BPI: variants seen among roughly 807,000 people sequenced by gnomAD.
BPI encodes the protein bactericidal permeability increasing protein.
BPI carries 48 observed loss-of-function variants against 57.6 expected under a neutral mutation model. The ratio of observed to expected loss-of-function variants is 0.83; its 90% CI spans 0.66 to 1.06. BPI has a LOEUF of 1.06. Among genes scored for constraint, BPI ranks in the 50% least tolerant of loss-of-function variants. The pLI is 0.00. For synonymous variants in BPI, 237 were observed against 238.2 expected, an observed-to-expected ratio of 0.99 and a Z score of 0.05; for missense variants, 651 against 609.7, an observed-to-expected ratio of 1.07 and a Z score of -0.71.
At chr20:38,331,865 G>A (rs915444576) in intron 12 of BPI, among the ~76,000 whole-genome samples, 4 of 150,934 alleles carry the variant, frequency 2.7e-5, no homozygotes, top group Admixed American at 2.0e-4. Context: ...AAAAAAGAGA[G>A]AGAAGATCGT....
chr20:38,334,379 C>A, intron 12 of BPI, 51 bp from the exon 13 acceptor site: 3 of 1,553,702 alleles, frequency 1.9e-6, no homozygotes, highest in Non-Finnish European at 2.7e-6. Context: ...GCTGGACCCG[C>A]AAGGTTCTGG....
intron 12 of BPI, 24 bp from the exon 13 acceptor site, chr20:38,334,406 T>C (rs1393638217): frequency 1.2e-6 from 2 of 1,609,234 alleles, no homozygotes; most frequent in African/African-American, 1.3e-5. Context: ...AGGGCCATCC[T>C]CCCATCCTCC....
intron 12 of BPI, among the ~76,000 whole-genome samples, chr20:38,331,854 AAAAAAAGAG>A (rs201229914): frequency 0.053 from 8,096 of 151,754 alleles, 286 homozygotes; most frequent in South Asian, 0.12. Flanking sequence ...AAAAAAAAAA[AAAAAAAGAG>A]AGAGAAGATC....
At chr20:38,321,504 A>C (rs1042467333) in intron 7 of BPI, 2 of 151,922 alleles carry the variant, frequency 1.3e-5, no homozygotes, top group African/African-American at 4.8e-5. Context: ...TACCATGTGG[A>C]TCTCCACTCA....
In BPI at chr20:38,335,625, C is replaced by T. The variant is rs368496977; in HGVS notation, c.1364C>T (p.Pro455Leu). ...AAACTACAGAAAGGCTTCCCTCTCC[C>T]GACGCCGGCCAGAGTCCAGCTCTAC... ...NEKLQKGFPL[P>L]TPARVQLYNV... The change falls in exon 14 of 15, where the codon CCG becomes CTG. Residue 455 changes from proline to leucine, a missense_variant. Transcript: ENST00000642449. The T allele has an allele frequency of 7.4e-6, 12 of 1,614,038 alleles. No homozygotes were observed. The highest frequency in any genetic ancestry group is 6.7e-5 in the African/African-American group (5 of 74,924).
intron 8 of BPI, 117 bp from the exon 9 acceptor site, chr20:38,324,657 T>C (rs1382918934): frequency 1.1e-5 from 9 of 832,782 alleles, no homozygotes; most frequent in Admixed American, 5.6e-5. Flanking sequence ...TGTTGTCACA[T>C]AGGGGCTGGC....
intron 3 of BPI, 83 bp downstream of exon 3, chr20:38,309,141 C>G: frequency 6.3e-7 from 1 of 1,590,748 alleles, no homozygotes; most frequent in Non-Finnish European, 8.6e-7. Context: ...TCTGGAATGC[C>G]CAATTTTTGC....
intron 11 of BPI, among the ~76,000 whole-genome samples, chr20:38,328,723 C>A (rs1456437345): frequency 1.3e-5 from 2 of 151,878 alleles, no homozygotes; most frequent in African/African-American, 4.8e-5. Flanking sequence ...CAGGGCCAGG[C>A]ATGGTGGCTC....
At chr20:38,336,293 G>A (rs746017534) in intron 14 of BPI, among the ~76,000 whole-genome samples, 4 of 151,834 alleles carry the variant, frequency 2.6e-5, no homozygotes, top group Non-Finnish European at 4.4e-5. Flanking sequence ...CTCTTCCCCC[G>A]CCATTGGCAA....
chr20:38,306,550 T>C (rs2076597617), intron 1 of BPI, among the ~76,000 whole-genome samples: 1 of 152,122 alleles, frequency 6.6e-6, no homozygotes, highest in Non-Finnish European at 1.5e-5. Flanking sequence ...ACACAGGGCG[T>C]TGCTCTGATC....
intron 3 of BPI, among the ~76,000 whole-genome samples, chr20:38,309,703 A>C (rs1293568400): frequency 6.6e-6 from 1 of 152,232 alleles, no homozygotes; most frequent in Non-Finnish European, 1.5e-5. Flanking sequence ...AATGCAGGGC[A>C]GGGTGAAAAA....
At chr20:38,335,943 G>A (rs2076765562) in intron 14 of BPI, among the ~76,000 whole-genome samples, 2 of 152,294 alleles carry the variant, frequency 1.3e-5, no homozygotes, top group South Asian at 2.1e-4. Flanking sequence ...AAAATGAAAT[G>A]CATTTGTGGG....
chr20:38,318,781 G>C (rs1241174305), intron 6 of BPI, among the ~76,000 whole-genome samples: 1 of 152,068 alleles, frequency 6.6e-6, no homozygotes, highest in African/African-American at 2.4e-5. Flanking sequence ...ATCTGATATT[G>C]GTCACTTCTT....
At position 38,324,837 on chromosome 20, in the gene BPI, T is replaced by C; in HGVS notation, c.993+4T>C. 6.2e-7 allele frequency: 1 copy of C among 1,610,062 alleles called. No individual in the cohort carries two copies. The highest frequency in any genetic ancestry group is 1.1e-5 in the South Asian group (1 of 90,998). On this transcript the variant is annotated splice_donor_region_variant and intron_variant, in intron 9 of 14. Transcript: ENST00000642449. ...CTTTGGAACCTTCCTACCTGAGGTA[T>C]GGAAGACCTTGCTTTCCTTTAGTGA...
intron 12 of BPI, among the ~76,000 whole-genome samples, chr20:38,332,419 A>G (rs1224864630): frequency 4.6e-5 from 7 of 152,244 alleles, no homozygotes; most frequent in Admixed American, 2.6e-4. Flanking sequence ...ATATTTTGGA[A>G]GTAGATTTAG....
At chr20:38,323,064 C>T (rs6024867) in intron 7 of BPI, among the ~76,000 whole-genome samples, 1 of 152,170 alleles carries the variant, frequency 6.6e-6, no homozygotes, top group Non-Finnish European at 1.5e-5. Flanking sequence ...TGTCATATTT[C>T]CTTCTGATTT....
intron 5 of BPI, among the ~76,000 whole-genome samples, chr20:38,317,437 T>C (rs1348147525): frequency 6.6e-6 from 1 of 152,190 alleles, no homozygotes; most frequent in African/African-American, 2.4e-5. Context: ...GGAGAGTTCC[T>C]CTCTCCCATC....
At chr20:38,317,579 C>T (rs751280927) in intron 5 of BPI, 1 of 706,498 alleles carries the variant, frequency 1.4e-6, no homozygotes, top group Non-Finnish European at 2.6e-6. Flanking sequence ...CCTTTTATGA[C>T]CTCACCTCTG....
In BPI at chr20:38,307,236, CAT is replaced by C. The variant is rs2076601081; in HGVS notation, c.131-330_131-329del. On this transcript the variant is annotated intron_variant, in intron 1 of 14. Transcript: ENST00000642449. The stretch of plus-strand genomic sequence containing the variant: ...AAAGAAGAAAAATACTATCTCACAA[CAT>C]GTGAAAATTATATGAAATTCTCATT... 3.3e-5 allele frequency among the ~76,000 whole-genome samples: 5 copies of C among 152,198 alleles called. No individual in the cohort carries two copies. The South Asian group carries it at 1.0e-3, about 32-fold the overall frequency.
Sources: allele counts gnomAD v4.1 joint callset (sites outside exome capture counted in the v4.1 genomes callset), GRCh38; gene constraint gnomAD v4.1.1; transcripts MANE v1.5; gene names NCBI Gene and HGNC (gene_info 2026-07-23, HGNC 2026-07-21).